The following TRAPPC12 variants were observed in gnomAD, a reference collection of about 807,000 sequenced individuals.
TRAPPC12 encodes TPR repeat protein 15.
A neutral mutation model predicts 69.2 loss-of-function variants in TRAPPC12; 61 were observed. That is an observed-to-expected ratio of 0.88 (90% CI 0.72 to 1.09). The LOEUF (loss-of-function observed/expected upper bound fraction) is 1.09, where lower values mean the gene tolerates loss of function less well. Ranked by LOEUF, TRAPPC12 falls within the 50% of genes least tolerant of loss-of-function variation. The probability of loss-of-function intolerance (pLI) is 0.00; values close to 1 mark genes in which losing one functional copy is unlikely to be tolerated. For synonymous variants in TRAPPC12, 469 were observed against 438.9 expected (o/e 1.07, Z -0.86); for missense variants, 1,101 against 1,016.4 (o/e 1.08, Z -1.13).
chr2:3,432,496 G>T (rs543507024), intron 5 of TRAPPC12, among the ~76,000 whole-genome samples: 11 of 152,102 alleles, frequency 7.2e-5, no homozygotes, highest in Non-Finnish European at 1.6e-4. Context: ...TGATATCTCA[G>T]AATTAAATAT....
intron 6 of TRAPPC12, chr2:3,455,070 C>T (rs1665068905): frequency 6.6e-6 from 1 of 152,286 alleles, no homozygotes; most frequent in Non-Finnish European, 1.5e-5. Context: ...TGCGCCACAC[C>T]CCGGGGACCG....
At chr2:3,430,503 G>A (rs1265477411) in intron 5 of TRAPPC12, among the ~76,000 whole-genome samples, 1 of 152,140 alleles carries the variant, frequency 6.6e-6, no homozygotes, top group Non-Finnish European at 1.5e-5. Flanking sequence ...CATAATCTTG[G>A]CCTGTATTTC....
intron 2 of TRAPPC12, chr2:3,389,803 T>C (rs1198393916): frequency 4.2e-6 from 2 of 471,026 alleles, no homozygotes; most frequent in East Asian, 7.0e-5. Flanking sequence ...ACGAGTTTTA[T>C]TGAGCACAAA....
At chr2:3,468,407 C>A (rs926620970) in intron 9 of TRAPPC12, among the ~76,000 whole-genome samples, 1 of 149,510 alleles carries the variant, frequency 6.7e-6, no homozygotes, top group Non-Finnish European at 1.5e-5. Flanking sequence ...CAGTTTATCT[C>A]ACCTTCATGG....
chr2:3,448,935 G>T (rs1372622484), intron 6 of TRAPPC12, among the ~76,000 whole-genome samples: 1 of 152,194 alleles, frequency 6.6e-6, no homozygotes, highest in African/African-American at 2.4e-5. Flanking sequence ...GTGTGTTTTA[G>T]ATTAGAACAG....
chr2:3,407,705 G>A (rs978049253), intron 3 of TRAPPC12, among the ~76,000 whole-genome samples: 9 of 151,890 alleles, frequency 5.9e-5, no homozygotes, highest in African/African-American at 2.2e-4. Context: ...GGGAGGCTGA[G>A]GCAGGAGAAT....
chr2:3,469,382 A>G (rs2103161926), intron 9 of TRAPPC12, among the ~76,000 whole-genome samples: 1 of 152,346 alleles, frequency 6.6e-6, no homozygotes, highest in African/African-American at 2.4e-5. Context: ...CTGTCCCTCA[A>G]ATGGTAAAAT....
At chr2:3,447,720 C>A (rs1032968842) in intron 6 of TRAPPC12, among the ~76,000 whole-genome samples, 2 of 152,132 alleles carry the variant, frequency 1.3e-5, no homozygotes, top group African/African-American at 4.8e-5. Flanking sequence ...AAAAGCCAGC[C>A]CACCACTATT....
intron 2 of TRAPPC12, among the ~76,000 whole-genome samples, chr2:3,398,748 A>G (rs528002541): frequency 6.6e-6 from 1 of 152,236 alleles, no homozygotes; most frequent in South Asian, 2.1e-4. Flanking sequence ...TTGCTCCTCC[A>G]TAAATGCACC....
chr2:3,435,458 A>C (rs1020929735), intron 5 of TRAPPC12, among the ~76,000 whole-genome samples: 1 of 152,234 alleles, frequency 6.6e-6, no homozygotes, highest in Non-Finnish European at 1.5e-5. Context: ...ATTTTATTCA[A>C]TATGTCCCCC....
intron 5 of TRAPPC12, among the ~76,000 whole-genome samples, chr2:3,425,636 A>G (rs1663060279): frequency 6.6e-6 from 1 of 152,158 alleles, no homozygotes. Context: ...GTAACATGGG[A>G]AAGTCTCGCA....
chr2:3,447,123 C>T (rs1240057589), intron 6 of TRAPPC12, among the ~76,000 whole-genome samples: 2 of 150,482 alleles, frequency 1.3e-5, no homozygotes, highest in African/African-American at 2.5e-5. Flanking sequence ...TTTCTTGAAG[C>T]GGAGTCTCGT....
intron 3 of TRAPPC12, among the ~76,000 whole-genome samples, chr2:3,411,444 T>C (rs886152310): frequency 6.6e-6 from 1 of 152,222 alleles, no homozygotes; most frequent in African/African-American, 2.4e-5. Flanking sequence ...AGTTCCTGTA[T>C]CTAAAAGAGA....
chr2:3,461,384 G>A (rs569170189), intron 8 of TRAPPC12, among the ~76,000 whole-genome samples: 77 of 151,464 alleles, frequency 5.1e-4, no homozygotes, highest in Admixed American at 1.0e-3. Context: ...GTGCGGGGCC[G>A]CTGCCTTTGC....
rs116908657 is a variant in TRAPPC12 at position 3,458,033 on chromosome 2, G to A, written c.1603+340G>A. ...CGAAGGGGCCCAGAGGGGCCTCTGC[G>A]TCGGGGAGAGAGGCCTCTGCGTCGG... is the stretch of plus-strand genomic sequence containing the variant. On this transcript the variant is annotated intron_variant, in intron 7 of 11. Coordinates refer to ENST00000324266, the MANE Select transcript of TRAPPC12 (RefSeq NM_016030.6). 4.2e-3 allele frequency: 4,665 copies of A among 1,121,670 alleles called. 126 individuals carry two copies. In the East Asian group the frequency reaches 0.066, roughly 16 times the overall value. 69.5% of individuals were successfully genotyped at this position (1,121,670 alleles called of 1,614,324 possible). A position where few individuals can be genotyped will look rare whatever the true frequency, so the allele number is the denominator to read the frequency against.
In TRAPPC12 at chr2:3,407,759, G is replaced by A. The variant is rs567979271; in HGVS notation, c.1164+5866G>A. 1.1e-4 allele frequency among the ~76,000 whole-genome samples: 16 copies of A among 151,876 alleles called. No homozygotes were observed. In the South Asian group the frequency reaches 1.9e-3, roughly 18 times the overall value. On this transcript the variant is annotated intron_variant, in intron 3 of 11. Coordinates refer to ENST00000324266, the MANE Select transcript of TRAPPC12 (RefSeq NM_016030.6). ...TGCAGTGAGCCAAGATCACGCCACTGCACTCCAGCCTGGGCGACAGAGCAA... is the reference window on the plus strand; with the variant it reads ...TGCAGTGAGCCAAGATCACGCCACTACACTCCAGCCTGGGCGACAGAGCAA...
intron 5 of TRAPPC12, among the ~76,000 whole-genome samples, chr2:3,427,804 A>T (rs114642375): frequency 0.023 from 3,466 of 152,190 alleles, 55 homozygotes; most frequent in Non-Finnish European, 0.035. Flanking sequence ...GAGGCACGAG[A>T]ATCTCTTCAA....
At chr2:3,394,640 G>T (rs1266117324) in intron 2 of TRAPPC12, among the ~76,000 whole-genome samples, 2 of 151,974 alleles carry the variant, frequency 1.3e-5, no homozygotes, top group African/African-American at 2.4e-5. Flanking sequence ...AAAAAAAGGG[G>T]GGGGAGATCA....
At chr2:3,479,170 C>T (rs1310073329) in intron 11 of TRAPPC12, 49 bp from the exon 12 acceptor site, 9 of 1,587,016 alleles carry the variant, frequency 5.7e-6, no homozygotes, top group South Asian at 2.3e-5. Flanking sequence ...AATGGGCGGG[C>T]GTCTGTCCTG....
Sources: gnomAD v4.1 joint callset for allele counts (sites outside exome capture counted in the v4.1 genomes callset) on GRCh38, gnomAD v4.1.1 for gene constraint, MANE v1.5 for transcripts, NCBI Gene and HGNC (gene_info 2026-07-23, HGNC 2026-07-21) for gene names.